STAG1: variants seen among roughly 807,000 people sequenced by gnomAD.
The protein encoded by STAG1 is cohesin subunit SA-1.
Under a neutral mutation model 170.9 loss-of-function variants are expected in STAG1, and 26 were observed. That is an observed-to-expected ratio of 0.15 (90% CI 0.11 to 0.21). The LOEUF (loss-of-function observed/expected upper bound fraction) is 0.21. Ranked by LOEUF, STAG1 falls within the 10% of genes least tolerant of loss-of-function variation. STAG1 has a pLI of 1.00. For synonymous variants in STAG1, 514 were observed against 497.7 expected (o/e 1.03, Z -0.44); for missense variants, 964 against 1,509.5 (o/e 0.64, Z 5.99).
intron 1 of STAG1, among the ~76,000 whole-genome samples, chr3:136,740,452 G>A (rs1934605800): frequency 6.6e-6 from 1 of 151,994 alleles, no homozygotes; most frequent in African/African-American, 2.4e-5. Context: ...ATGTTTATTG[G>A]CATATAGTAA....
chr3:136,689,121 G>C (rs894592089), intron 1 of STAG1, among the ~76,000 whole-genome samples: 1 of 152,136 alleles, frequency 6.6e-6, no homozygotes, highest in African/African-American at 2.4e-5. Flanking sequence ...TCCCCAAATG[G>C]GAATAATTTT....
Position 136,604,385 on chromosome 3 carries a change from C to A in STAG1, c.221G>T (p.Gly74Val). The A allele has an allele frequency of 1.2e-6, 2 of 1,613,832 alleles. No homozygotes were observed. The highest frequency in any genetic ancestry group is 1.7e-6 in the Non-Finnish European group (2 of 1,179,882). Reference sequence around the variant, plus strand: ...CCCTTCCCCATTCTGTTGAGGGTGTCCATTAGCTCTTCCACGGCCTGCTCC... The same window carrying A: ...CCCTTCCCCATTCTGTTGAGGGTGTACATTAGCTCTTCCACGGCCTGCTCC... ...IRGAGRGRANGHPQQNGEGEP... is the reference protein window; with the variant it reads ...IRGAGRGRANVHPQQNGEGEP... Residue 74 changes from glycine (G) to valine (V), a missense_variant, in exon 4 of 34, where the codon GGA becomes GTA. Physicochemically the swap from Gly to Val is moderately radical, Grantham distance 109. Transcript: ENST00000383202.
At chr3:136,656,301 G>A (rs754701488) in intron 1 of STAG1, among the ~76,000 whole-genome samples, 2 of 152,170 alleles carry the variant, frequency 1.3e-5, no homozygotes, top group Admixed American at 6.5e-5. Flanking sequence ...TTTATTTAAC[G>A]GGTATAGAGT....
intron 9 of STAG1, among the ~76,000 whole-genome samples, chr3:136,496,925 G>GGAGA (rs148759150): frequency 6.6e-6 from 1 of 150,686 alleles, no homozygotes; most frequent in South Asian, 2.1e-4. Context: ...AGAGAGAGAG[G>GGAGA]GAGAGAGAGA....
At chr3:136,661,189 G>C (rs1351668762) in intron 1 of STAG1, among the ~76,000 whole-genome samples, 2 of 152,166 alleles carry the variant, frequency 1.3e-5, no homozygotes, top group African/African-American at 2.4e-5. Context: ...TATTCATAAA[G>C]TATTTATTAA....
intron 1 of STAG1, among the ~76,000 whole-genome samples, chr3:136,719,661 G>A (rs1271675288): frequency 4.5e-5 from 5 of 112,040 alleles, no homozygotes; most frequent in Admixed American, 9.8e-5. Context: ...GTGGGTGGGT[G>A]GGTAGGTGGG....
intron 15 of STAG1, among the ~76,000 whole-genome samples, chr3:136,441,027 T>G (rs1309499692): frequency 4.1e-5 from 5 of 122,982 alleles, no homozygotes; most frequent in African/African-American, 1.5e-4. Context: ...AGGACCATCT[T>G]TCCTTTTTTT....
intron 1 of STAG1, among the ~76,000 whole-genome samples, chr3:136,713,027 G>C (rs781244451): frequency 6.6e-6 from 1 of 152,132 alleles, no homozygotes; most frequent in Non-Finnish European, 1.5e-5. Flanking sequence ...GGGAGGCAGA[G>C]GTTGCAGTGA....
chr3:136,397,541 T>C (rs975726391), intron 22 of STAG1, among the ~76,000 whole-genome samples: 1 of 152,176 alleles, frequency 6.6e-6, no homozygotes, highest in Non-Finnish European at 1.5e-5. Context: ...AGATTTATTT[T>C]TCCCCATTTT....
At chr3:136,501,038 T>C (rs991645420) in intron 8 of STAG1, among the ~76,000 whole-genome samples, 2 of 152,156 alleles carry the variant, frequency 1.3e-5, no homozygotes, top group African/African-American at 4.8e-5. Flanking sequence ...ATGTTGACAA[T>C]AAAATTCCCT....
At chr3:136,382,571 AT>A (rs548636084) in intron 22 of STAG1, among the ~76,000 whole-genome samples, 105 of 151,146 alleles carry the variant, frequency 6.9e-4, no homozygotes, top group Middle Eastern at 3.4e-3. Context: ...CCCAGCTACT[AT>A]TTTTTTTCTT....
intron 7 of STAG1, among the ~76,000 whole-genome samples, chr3:136,519,844 C>A (rs1024201759): frequency 6.6e-6 from 1 of 151,968 alleles, no homozygotes; most frequent in Non-Finnish European, 1.5e-5. Context: ...TGAACTGTGT[C>A]TGATGTATGT....
intron 5 of STAG1, among the ~76,000 whole-genome samples, chr3:136,560,463 CTG>C (rs750210902): frequency 6.6e-6 from 1 of 152,174 alleles, no homozygotes; most frequent in Non-Finnish European, 1.5e-5. Context: ...TGCTATAATT[CTG>C]TGTTCTTAGT....
chr3:136,413,359 G>C (rs1000743663), intron 21 of STAG1, among the ~76,000 whole-genome samples: 3 of 148,572 alleles, frequency 2.0e-5, no homozygotes, highest in African/African-American at 7.4e-5. Context: ...AAATGGATTA[G>C]GTGAATTTTC....
In STAG1 at chr3:136,394,851, G is replaced by C. The variant is rs541465807; in HGVS notation, c.2277+3898C>G. Among the ~76,000 whole-genome samples the C allele has an allele frequency of 3.3e-5, 5 of 151,638 alleles. No individual in the cohort carries two copies. In the South Asian group the frequency reaches 1.0e-3, roughly 32 times the overall value. ...ACCAGTAATCCCAGCTACTTGGGATGCTGAGGCAGGAGAATCGCTTGAACC... is the reference window on the plus strand; with the variant it reads ...ACCAGTAATCCCAGCTACTTGGGATCCTGAGGCAGGAGAATCGCTTGAACC... On this transcript the variant is annotated intron_variant, in intron 22 of 33. Coordinates refer to ENST00000383202, the MANE Select transcript of STAG1 (RefSeq NM_005862.3).
At chr3:136,460,895 T>C (rs2089255575) in intron 13 of STAG1, among the ~76,000 whole-genome samples, 2 of 152,194 alleles carry the variant, frequency 1.3e-5, no homozygotes, top group African/African-American at 4.8e-5. Context: ...ACAAAAACTA[T>C]TAGACAATAT....
At chr3:136,739,041 G>A (rs991855764) in intron 1 of STAG1, among the ~76,000 whole-genome samples, 1 of 152,098 alleles carries the variant, frequency 6.6e-6, no homozygotes, top group Non-Finnish European at 1.5e-5. Context: ...TAATGGAATA[G>A]GGAAGAAAAT....
chr3:136,607,217 T>C (rs547301807), intron 3 of STAG1, among the ~76,000 whole-genome samples: 2 of 152,320 alleles, frequency 1.3e-5, no homozygotes, highest in South Asian at 2.1e-4. Flanking sequence ...AAAGTCACTA[T>C]GTATAGCCCA....
chr3:136,704,210 C>T (rs1300883847), intron 1 of STAG1, among the ~76,000 whole-genome samples: 1 of 151,638 alleles, frequency 6.6e-6, no homozygotes, highest in Non-Finnish European at 1.5e-5. Flanking sequence ...ACCACGACGC[C>T]TGGCTACTTT....
Sources: gnomAD v4.1 joint callset for allele counts (sites outside exome capture counted in the v4.1 genomes callset) on GRCh38, gnomAD v4.1.1 for gene constraint, MANE v1.5 for transcripts, NCBI Gene and HGNC (gene_info 2026-07-23, HGNC 2026-07-21) for gene names.